Variants in TIAM1 observed in about 807,000 individuals in gnomAD.
TIAM1 encodes the protein rho guanine nucleotide exchange factor TIAM1.
Under a neutral mutation model 163.5 loss-of-function variants are expected in TIAM1, and 65 were observed. The observed-to-expected ratio is 0.40, with a 90% CI of 0.33 to 0.49. The LOEUF (loss-of-function observed/expected upper bound fraction) is 0.49. TIAM1 is among the 20% of genes least tolerant of loss of function. The probability of loss-of-function intolerance (pLI) is 0.77; values close to 1 mark genes in which losing one functional copy is unlikely to be tolerated. For synonymous variants in TIAM1, 833 were observed against 810.1 expected (o/e 1.03, Z -0.48); for missense variants, 1,789 against 2,044.7 (o/e 0.87, Z 2.41).
rs756911038 is a variant in TIAM1 at position 31,120,511 on chromosome 21, T to C, written c.4633A>G (p.Ser1545Gly). 3.7e-6 allele frequency: 6 copies of C among 1,614,220 alleles called. No individual in the cohort carries two copies. In the South Asian group the frequency reaches 6.6e-5, roughly 18 times the overall value. Residue 1545 changes from serine to glycine, a missense_variant, in exon 28 of 28, where the codon AGT (serine) becomes GGT (glycine). Coordinates refer to ENST00000541036, the MANE Select transcript of TIAM1 (RefSeq NM_001353694.2). The surrounding 1 kb of genome is among the most constrained non-coding windows in gnomAD (Gnocchi z 4.2). The stretch of plus-strand genomic sequence containing the variant: ...AGCTGTGCCATGCGGGACGCGTGAC[T>C]ATCCAGGGTTTTCCGGCCTCTTTCC... ...QRERGRKTLD[S>G]HASRMAQLKK...
chr21:31,285,375 A>G (rs1448866211), intron 2 of TIAM1, among the ~76,000 whole-genome samples: 2 of 152,156 alleles, frequency 1.3e-5, no homozygotes, highest in Non-Finnish European at 2.9e-5. Context: ...GATAATCCCA[A>G]GCACTGCTGG....
chr21:31,226,868 A>G (rs2088008667), intron 6 of TIAM1, among the ~76,000 whole-genome samples: 1 of 152,084 alleles, frequency 6.6e-6, no homozygotes, highest in Non-Finnish European at 1.5e-5. Flanking sequence ...TCATGCACAA[A>G]AACACTTCAT....
chr21:31,353,621 C>T (rs1417969486), intron 2 of TIAM1, among the ~76,000 whole-genome samples: 1 of 151,944 alleles, frequency 6.6e-6, no homozygotes, highest in Non-Finnish European at 1.5e-5. Context: ...ACCCATTTAA[C>T]AGATAAAGAA....
chr21:31,226,360 A>G (rs1281546663), intron 6 of TIAM1, among the ~76,000 whole-genome samples: 1 of 152,186 alleles, frequency 6.6e-6, no homozygotes, highest in Non-Finnish European at 1.5e-5. Flanking sequence ...ATAGGAAGCT[A>G]CAACAGCCCT....
chr21:31,340,129 G>T (rs935485883), intron 1 of TIAM1, among the ~76,000 whole-genome samples: 7 of 151,594 alleles, frequency 4.6e-5, no homozygotes, highest in Admixed American at 1.3e-4. Context: ...AGCAAATGAA[G>T]CCTTTTCCCA....
At chr21:31,536,348 T>C (rs946110451) in intron 1 of TIAM1, among the ~76,000 whole-genome samples, 6 of 152,202 alleles carry the variant, frequency 3.9e-5, no homozygotes, top group African/African-American at 7.2e-5. Flanking sequence ...ATGACTGCCC[T>C]TACCCACTGC....
chr21:31,210,777 AG>A (rs2086829082), intron 10 of TIAM1, among the ~76,000 whole-genome samples: 2 of 141,972 alleles, frequency 1.4e-5, no homozygotes, highest in Admixed American at 6.7e-5. Flanking sequence ...AAAGAAAGAA[AG>A]AAAGAAAGAA....
At position 31,127,054 on chromosome 21, in the gene TIAM1, C is replaced by A. The variant is rs371833373; in HGVS notation, c.4133+11G>T. On this transcript the variant is annotated intron_variant, in intron 26 of 27. Transcript: ENST00000541036. ...GTCAACACGGCCTCGACTTTACAGG[C>A]CCAGGCTCACCTGCAGCACAAGTGA... is the stretch of plus-strand genomic sequence containing the variant. 1.9e-6 allele frequency: 3 copies of A among 1,613,720 alleles called. No individual in the cohort carries two copies. Among genetic ancestry groups the A allele is most frequent in the Non-Finnish European group, 2.5e-6 (3 of 1,179,688 alleles).
chr21:31,125,746 T>C (rs2082172474), intron 26 of TIAM1, among the ~76,000 whole-genome samples: 1 of 152,214 alleles, frequency 6.6e-6, no homozygotes, highest in African/African-American at 2.4e-5. Flanking sequence ...GGCTAACTTT[T>C]GTATTTTTAG....
rs5030999 is a variant in TIAM1, at chr21:31,256,588, T to TACACACACACACACACAC, written c.964-4417_964-4400dup. On this transcript the variant is annotated intron_variant, in intron 4 of 27. Coordinates refer to ENST00000541036, the MANE Select transcript of TIAM1 (RefSeq NM_001353694.2). ...CCCCAAAATATTAAGTACCCCTCACTACACACACACACACACACACACACA... is the reference window on the plus strand; with the variant it reads ...CCCCAAAATATTAAGTACCCCTCACTACACACACACACACACACACACACACACACACACACACACACA... Among the ~76,000 whole-genome samples the TACACACACACACACACAC allele has an allele frequency of 3.4e-3, 432 of 128,234 alleles. 11 individuals are homozygous for TACACACACACACACACAC. The highest frequency in any genetic ancestry group is 7.8e-3 in the African/African-American group (264 of 33,992). The allele number at this position is 128,234 out of a possible 152,430, so 84.1% of individuals were successfully genotyped here.
At chr21:31,166,143 G>C (rs574163401) in intron 15 of TIAM1, among the ~76,000 whole-genome samples, 3 of 152,164 alleles carry the variant, frequency 2.0e-5, no homozygotes, top group Admixed American at 1.3e-4. Flanking sequence ...TACTAGCTCC[G>C]AATGATACTA....
intron 2 of TIAM1, among the ~76,000 whole-genome samples, chr21:31,435,003 G>C (rs2044163182): frequency 6.6e-6 from 1 of 152,186 alleles, no homozygotes; most frequent in Admixed American, 6.5e-5. Context: ...TTCATATGCT[G>C]TTCATATTTA....
chr21:31,200,471 TCA>T (rs2086141391), intron 12 of TIAM1, among the ~76,000 whole-genome samples: 1 of 152,206 alleles, frequency 6.6e-6, no homozygotes, highest in Non-Finnish European at 1.5e-5. Context: ...CGAATGGAAA[TCA>T]CAGTTATTTT....
chr21:31,286,233 G>A (rs1409338853), intron 2 of TIAM1, among the ~76,000 whole-genome samples: 1 of 152,130 alleles, frequency 6.6e-6, no homozygotes, highest in Non-Finnish European at 1.5e-5. Context: ...GTGCAGCAAA[G>A]AATATTGCAT....
chr21:31,452,587 G>A (rs758104949), intron 2 of TIAM1: 143 of 583,452 alleles, frequency 2.5e-4, no homozygotes, highest in Admixed American at 6.0e-4. Flanking sequence ...TCCTGGAATC[G>A]ATATAGCACT....
intron 1 of TIAM1, among the ~76,000 whole-genome samples, chr21:31,486,623 G>A (rs547222625): frequency 2.6e-5 from 4 of 152,322 alleles, no homozygotes; most frequent in South Asian, 2.1e-4. Context: ...CCCATGTCAC[G>A]GGCTTGGCAG....
chr21:31,253,498 G>A (rs2071931537), intron 4 of TIAM1, among the ~76,000 whole-genome samples: 1 of 152,126 alleles, frequency 6.6e-6, no homozygotes. Context: ...ATATCTCCAC[G>A]AACTTCACTT....
chr21:31,471,871 AAT>A (rs764659294), intron 1 of TIAM1, among the ~76,000 whole-genome samples: 5,655 of 41,104 alleles, frequency 0.14, 137 homozygotes, highest in South Asian at 0.16. Context: ...CTCCATCTCA[AAT>A]AATAATAATA....
intron 6 of TIAM1, among the ~76,000 whole-genome samples, chr21:31,234,622 A>C (rs534203613): frequency 2.7e-4 from 41 of 152,036 alleles, no homozygotes; most frequent in African/African-American, 9.4e-4. Flanking sequence ...CTCTACAAAA[A>C]CCACAAAAAT....
Sources: allele counts gnomAD v4.1 joint callset (sites outside exome capture counted in the v4.1 genomes callset), GRCh38; gene constraint gnomAD v4.1.1; non-coding constraint Gnocchi (gnomAD v3.1); transcripts MANE v1.5; gene names NCBI Gene and HGNC (gene_info 2026-07-23, HGNC 2026-07-21).